Variants in SGCD observed in about 807,000 individuals in gnomAD.
SGCD encodes delta-sarcoglycan.
Under a neutral mutation model 36.6 loss-of-function variants are expected in SGCD, and 18 were observed. That is an observed-to-expected ratio of 0.49 (90% CI 0.34 to 0.73). SGCD has a LOEUF of 0.73. Among genes scored for constraint, SGCD ranks in the 30% least tolerant of loss-of-function variants. The pLI, the probability that SGCD is intolerant of heterozygous loss-of-function variation, is 0.01. For missense variants in SGCD, 387 were observed against 346.7 expected, an observed-to-expected ratio of 1.12 and a Z score of -0.92; for synonymous variants, 133 against 130.6, an observed-to-expected ratio of 1.02 and a Z score of -0.12.
intron 3 of SGCD, among the ~76,000 whole-genome samples, chr5:156,468,941 G>A (rs1331424943): frequency 1.3e-5 from 2 of 152,202 alleles, no homozygotes; most frequent in South Asian, 2.1e-4. Context: ...GCAGTAAGCC[G>A]AGATGACGCC....
intron 7 of SGCD, among the ~76,000 whole-genome samples, chr5:156,749,214 C>T (rs558352972): frequency 2.6e-5 from 4 of 152,242 alleles, no homozygotes; most frequent in South Asian, 2.1e-4. Context: ...GAACGCCCTT[C>T]TATAAACCTC....
At chr5:155,768,907 T>C in the SGCD span, among the ~76,000 whole-genome samples, 4 of 152,296 alleles carry the variant, frequency 2.6e-5, no homozygotes, top group Non-Finnish European at 4.4e-5. Flanking sequence ...TGTTTAATAC[T>C]TTTGCCATGT....
At chr5:155,901,301 A>G (rs538065784) in intron 1 of SGCD, among the ~76,000 whole-genome samples, 1 of 148,660 alleles carries the variant, frequency 6.7e-6, no homozygotes, top group South Asian at 2.1e-4. Flanking sequence ...AACAAGAGCG[A>G]AACTCCATCT....
intron 3 of SGCD, among the ~76,000 whole-genome samples, chr5:156,346,203 G>A (rs1768925008): frequency 6.8e-6 from 1 of 147,670 alleles, no homozygotes. Context: ...TGTGGTAACA[G>A]GAAACCATAA....
At chr5:156,322,881 A>G (rs1013517427), upstream of SGCD, among the ~76,000 whole-genome samples, 1 of 152,214 alleles carries the variant, frequency 6.6e-6, no homozygotes, top group Non-Finnish European at 1.5e-5. Context: ...AGAGTTGTGC[A>G]ATCAGATTTA....
chr5:156,207,788 T>C (rs1056611011), intron 3 of SGCD, among the ~76,000 whole-genome samples: 4 of 152,136 alleles, frequency 2.6e-5, no homozygotes, highest in Non-Finnish European at 4.4e-5. Flanking sequence ...GTGTTCTTTA[T>C]CTACATTTGT....
chr5:156,232,257 G>T (rs1216411082), intron 3 of SGCD, among the ~76,000 whole-genome samples: 2 of 152,110 alleles, frequency 1.3e-5, no homozygotes, highest in Non-Finnish European at 2.9e-5. Context: ...TAGTGACATG[G>T]GTTAGAACTC....
At chr5:156,110,670 ACT>A (rs1761761832) in intron 1 of SGCD, among the ~76,000 whole-genome samples, 1 of 151,268 alleles carries the variant, frequency 6.6e-6, no homozygotes, top group South Asian at 2.1e-4. Context: ...AAAAAAAAAA[ACT>A]CTCTTTCCCA....
At chr5:156,466,768 A>T (rs1395446328) in intron 3 of SGCD, among the ~76,000 whole-genome samples, 1 of 152,190 alleles carries the variant, frequency 6.6e-6, no homozygotes, top group Non-Finnish European at 1.5e-5. Flanking sequence ...TCCCCCACAA[A>T]AGTATTTTAT....
intron 3 of SGCD, among the ~76,000 whole-genome samples, chr5:156,497,644 T>TCACACA (rs200511711): frequency 7.1e-6 from 1 of 141,536 alleles, no homozygotes; most frequent in Admixed American, 6.8e-5. Flanking sequence ...TCTCTCTCTC[T>TCACACA]CACACACACA....
At chr5:156,164,858 A>G (rs1334745195) in intron 3 of SGCD, among the ~76,000 whole-genome samples, 1 of 152,248 alleles carries the variant, frequency 6.6e-6, no homozygotes, top group Non-Finnish European at 1.5e-5. Context: ...TGAAGGGACA[A>G]AACATGAGGA....
intron 6 of SGCD, among the ~76,000 whole-genome samples, chr5:156,599,867 T>G (rs1761094012): frequency 6.6e-6 from 1 of 152,216 alleles, no homozygotes; most frequent in South Asian, 2.1e-4. Context: ...GGTATGTTGC[T>G]TCATCGTTCT....
intron 3 of SGCD, among the ~76,000 whole-genome samples, chr5:156,310,222 A>G (rs1415243010): frequency 2.0e-5 from 3 of 152,168 alleles, no homozygotes; most frequent in Admixed American, 2.0e-4. Flanking sequence ...CAATAGTACG[A>G]AAATAAAAAG....
At chr5:156,404,614 A>T (rs1772318408) in intron 3 of SGCD, among the ~76,000 whole-genome samples, 1 of 152,184 alleles carries the variant, frequency 6.6e-6, no homozygotes, top group South Asian at 2.1e-4. Flanking sequence ...CACCTGACTG[A>T]CCAGCTTCTG....
chr5:156,594,890 TCC>T, intron 5 of SGCD, 40 bp from the exon 6 acceptor site: 1 of 1,303,342 alleles, frequency 7.7e-7, no homozygotes, highest in African/African-American at 1.5e-5. Flanking sequence ...TCTCTCTCTC[TCC>T]TCTCTCCTCT....
chr5:155,853,203 G>C, the SGCD span, among the ~76,000 whole-genome samples: 2 of 150,004 alleles, frequency 1.3e-5, no homozygotes, highest in East Asian at 3.9e-4. Context: ...ACAGTTGATT[G>C]TTAGCATGCA....
chr5:155,805,419 C>G, the SGCD span, among the ~76,000 whole-genome samples: 2 of 152,214 alleles, frequency 1.3e-5, no homozygotes, highest in African/African-American at 4.8e-5. Flanking sequence ...AGAGAGGCAG[C>G]ATTTCTGGTA....
chr5:156,347,559 A>G (rs1769015625), intron 3 of SGCD, among the ~76,000 whole-genome samples: 1 of 152,178 alleles, frequency 6.6e-6, no homozygotes, highest in Non-Finnish European at 1.5e-5. Context: ...AAAGCAAAAT[A>G]GAATTTATTA....
intron 1 of SGCD, among the ~76,000 whole-genome samples, chr5:156,078,516 A>AC (rs1760853080): frequency 7.5e-6 from 1 of 132,652 alleles, no homozygotes; most frequent in South Asian, 2.2e-4. Context: ...GTCTCAAAAA[A>AC]AAAAATATAT....
Sources: gnomAD v4.1 joint callset for allele counts (sites outside exome capture counted in the v4.1 genomes callset) on GRCh38, gnomAD v4.1.1 for gene constraint, MANE v1.5 for transcripts, NCBI Gene and HGNC (gene_info 2026-07-23, HGNC 2026-07-21) for gene names.